Variants in CNTNAP5 observed in about 807,000 individuals in gnomAD.
CNTNAP5 encodes the protein contactin associated protein family member 5.
In CNTNAP5, 72 loss-of-function variants were observed where a neutral mutation model predicts 150.2. That is an observed-to-expected ratio of 0.48 (90% confidence interval 0.40 to 0.58). The LOEUF is 0.58. Ranked by LOEUF, CNTNAP5 falls within the 20% of genes least tolerant of loss-of-function variation. The pLI is 0.00. For missense variants in CNTNAP5, 1,636 were observed against 1,626.2 expected (o/e 1.01, Z -0.10); for synonymous variants, 672 against 619.8 (o/e 1.08, Z -1.25).
chr2:124,779,052 G>A (rs563476826), intron 17 of CNTNAP5, among the ~76,000 whole-genome samples: 2 of 152,166 alleles, frequency 1.3e-5, no homozygotes, highest in Non-Finnish European at 2.9e-5. Flanking sequence ...GGGATCTGTG[G>A]TAGGACCTTG....
In CNTNAP5 at chr2:124,270,571, A is replaced by G. The variant is rs546869474; in HGVS notation, c.381+28178A>G. ...GGGTCACGTCTGTTTGACAAGCAGA[A>G]TATTTGAGTTCTCTAAGTTTTTAAG... On this transcript the variant is annotated intron_variant, in intron 3 of 23. Transcript: ENST00000682447. Among the ~76,000 whole-genome samples, 2 of 152,314 alleles carry G rather than the reference A, an allele frequency of 1.3e-5. 1 individual carries two copies. The highest frequency in any genetic ancestry group is 4.1e-4 in the South Asian group (2 of 4,828).
At chr2:124,388,430 C>T (rs1192373545) in intron 3 of CNTNAP5, among the ~76,000 whole-genome samples, 2 of 152,194 alleles carry the variant, frequency 1.3e-5, no homozygotes, top group Non-Finnish European at 2.9e-5. Flanking sequence ...CATCTCACCT[C>T]CTGCGGGCTC....
At chr2:124,786,581 A>G (rs1681602966) in intron 17 of CNTNAP5, among the ~76,000 whole-genome samples, 1 of 151,852 alleles carries the variant, frequency 6.6e-6, no homozygotes, top group Admixed American at 6.6e-5. Context: ...AGAAAGAAAG[A>G]AAAAAGAAAG....
intron 16 of CNTNAP5, among the ~76,000 whole-genome samples, chr2:124,766,828 C>T (rs1047456007): frequency 6.6e-6 from 1 of 152,090 alleles, no homozygotes; most frequent in African/African-American, 2.4e-5. Flanking sequence ...CTTTGTGGTA[C>T]TGTATTTTAG....
In CNTNAP5 at chr2:124,434,718, G is replaced by A. The variant is rs905425539; in HGVS notation, c.733+31G>A. On this transcript the variant is annotated intron_variant, in intron 5 of 23. Transcript: ENST00000682447. ...CTCAGACTTCCTCTTCCAATGCCAA[G>A]GGATGGAGAGCTCCTTTACTCCACA... 14 of 1,559,900 alleles carry A rather than the reference G, an allele frequency of 9.0e-6. No homozygotes were observed. In the Admixed American group the frequency reaches 2.4e-4, roughly 27 times the overall value.
intron 1 of CNTNAP5, among the ~76,000 whole-genome samples, chr2:124,028,681 A>T (rs1680962474): frequency 6.6e-6 from 1 of 152,132 alleles, no homozygotes; most frequent in Non-Finnish European, 1.5e-5. Context: ...AACTCTTTTG[A>T]CATAAGAAGA....
chr2:124,174,970 A>G (rs1685026037), intron 1 of CNTNAP5, among the ~76,000 whole-genome samples: 1 of 152,234 alleles, frequency 6.6e-6, no homozygotes, highest in African/African-American at 2.4e-5. Flanking sequence ...TGACTTGCTG[A>G]AGGCTCAGGT....
chr2:124,280,071 T>C (rs150929658), intron 3 of CNTNAP5, among the ~76,000 whole-genome samples: 7 of 152,072 alleles, frequency 4.6e-5, no homozygotes, highest in African/African-American at 1.7e-4. Flanking sequence ...TCCTACTGCA[T>C]GTGTTTCAAG....
intron 11 of CNTNAP5, among the ~76,000 whole-genome samples, chr2:124,590,834 C>T (rs1696661866): frequency 6.6e-6 from 1 of 152,164 alleles, no homozygotes; most frequent in African/African-American, 2.4e-5. Flanking sequence ...AGAAACACCA[C>T]ATCTCTGACC....
chr2:124,419,970 C>CTCTTTCTT (rs1553466667), intron 4 of CNTNAP5, among the ~76,000 whole-genome samples: 2 of 62,524 alleles, frequency 3.2e-5, no homozygotes, highest in Non-Finnish European at 2.9e-5. Flanking sequence ...TTCTCTCTCT[C>CTCTTTCTT]TCTTTCTTTC....
intron 3 of CNTNAP5, among the ~76,000 whole-genome samples, chr2:124,280,787 T>G (rs997221454): frequency 1.3e-5 from 2 of 152,168 alleles, no homozygotes; most frequent in Admixed American, 6.5e-5. Flanking sequence ...ACATTTATTT[T>G]GTCTAGTTAT....
chr2:124,239,474 A>G (rs930960503), intron 2 of CNTNAP5, among the ~76,000 whole-genome samples: 3 of 152,178 alleles, frequency 2.0e-5, no homozygotes, highest in African/African-American at 7.2e-5. Flanking sequence ...TTATAGCATC[A>G]GCTCCCAAAT....
intron 21 of CNTNAP5, among the ~76,000 whole-genome samples, chr2:124,898,964 C>A (rs888273682): frequency 6.6e-6 from 1 of 151,354 alleles, no homozygotes; most frequent in African/African-American, 2.5e-5. Flanking sequence ...TTCAAGGGAC[C>A]TATTGTGCAT....
chr2:124,566,609 T>C (rs1213605408), intron 11 of CNTNAP5, among the ~76,000 whole-genome samples: 2 of 152,218 alleles, frequency 1.3e-5, no homozygotes, highest in Admixed American at 1.3e-4. Flanking sequence ...TGCAACTTTG[T>C]GAAACTCTAT....
At chr2:124,390,013 C>T (rs1234085217) in intron 3 of CNTNAP5, among the ~76,000 whole-genome samples, 1 of 151,838 alleles carries the variant, frequency 6.6e-6, no homozygotes, top group African/African-American at 2.4e-5. Context: ...ATAATTTAAA[C>T]AGCAACAACA....
chr2:124,098,254 A>T (rs1682986538), intron 1 of CNTNAP5, among the ~76,000 whole-genome samples: 1 of 152,298 alleles, frequency 6.6e-6, no homozygotes, highest in East Asian at 1.9e-4. Flanking sequence ...ACATATATTT[A>T]TTATTTATTA....
intron 1 of CNTNAP5, among the ~76,000 whole-genome samples, chr2:124,177,016 T>C (rs1488419654): frequency 2.6e-5 from 4 of 151,918 alleles, no homozygotes; most frequent in Non-Finnish European, 4.4e-5. Context: ...TGGCTAATTT[T>C]TTTTTATTTC....
chr2:124,781,814 A>C (rs1681459020), intron 17 of CNTNAP5, among the ~76,000 whole-genome samples: 1 of 152,146 alleles, frequency 6.6e-6, no homozygotes, highest in African/African-American at 2.4e-5. Flanking sequence ...TCTTATCCTC[A>C]AGGACCGTTC....
At chr2:124,314,248 A>G (rs905818646) in intron 3 of CNTNAP5, among the ~76,000 whole-genome samples, 3 of 152,160 alleles carry the variant, frequency 2.0e-5, no homozygotes, top group Non-Finnish European at 2.9e-5. Flanking sequence ...TCTGCATTCT[A>G]TTACTGATTT....
Sources: allele counts gnomAD v4.1 joint callset (sites outside exome capture counted in the v4.1 genomes callset), GRCh38; gene constraint gnomAD v4.1.1; transcripts MANE v1.5; gene names NCBI Gene and HGNC (gene_info 2026-07-23, HGNC 2026-07-21).